NRG1: variants seen among roughly 807,000 people sequenced by gnomAD.
The protein encoded by NRG1 is pro-neuregulin-1, membrane-bound isoform.
NRG1 carries 18 observed loss-of-function variants against 63.8 expected under a neutral mutation model. That is an observed-to-expected ratio of 0.28 (90% CI 0.19 to 0.42). NRG1 has a LOEUF of 0.42. Among genes scored for constraint, NRG1 ranks in the 10% least tolerant of loss-of-function variants. The probability of loss-of-function intolerance (pLI) is 1.00; values close to 1 mark genes in which losing one functional copy is unlikely to be tolerated. For synonymous variants in NRG1, 302 were observed against 301.3 expected (o/e 1.00, Z -0.02); for missense variants, 762 against 814.7 (o/e 0.94, Z 0.79).
At chr8:31,944,428 C>A (rs1372584639) in intron 1 of NRG1, among the ~76,000 whole-genome samples, 2 of 152,204 alleles carry the variant, frequency 1.3e-5, no homozygotes, top group African/African-American at 4.8e-5. Context: ...GGGCACACAG[C>A]TAGTAAGAGA....
intron 5 of NRG1, among the ~76,000 whole-genome samples, chr8:32,654,050 T>C (rs1358868793): frequency 6.6e-6 from 1 of 152,056 alleles, no homozygotes; most frequent in African/African-American, 2.4e-5. Flanking sequence ...ATGCTGAACA[T>C]TTTTAGAGAT....
chr8:31,681,994 C>G (rs918058075), intron 1 of NRG1, among the ~76,000 whole-genome samples: 1 of 152,114 alleles, frequency 6.6e-6, no homozygotes, highest in Non-Finnish European at 1.5e-5. Context: ...AGGGTCTGCT[C>G]TTAGTGCTGT....
chr8:31,665,221 A>C (rs1806405732), intron 1 of NRG1, among the ~76,000 whole-genome samples: 1 of 152,144 alleles, frequency 6.6e-6, no homozygotes, highest in Non-Finnish European at 1.5e-5. Flanking sequence ...AGAAAGTATA[A>C]ATATATGACC....
intron 1 of NRG1, among the ~76,000 whole-genome samples, chr8:32,417,709 G>A (rs529649851): frequency 3.5e-5 from 5 of 141,736 alleles, no homozygotes; most frequent in African/African-American, 1.3e-4. Context: ...CTCAAGATTT[G>A]TTCTAGTCAC....
intron 1 of NRG1, among the ~76,000 whole-genome samples, chr8:31,960,526 T>A: frequency 6.6e-6 from 1 of 152,234 alleles, no homozygotes; most frequent in Non-Finnish European, 1.5e-5. Context: ...CAGGAGATAA[T>A]TTTATTCTGC....
intron 1 of NRG1, among the ~76,000 whole-genome samples, chr8:32,133,457 G>A (rs774262859): frequency 2.0e-5 from 3 of 151,988 alleles, no homozygotes; most frequent in Non-Finnish European, 4.4e-5. Flanking sequence ...AACCCATGTG[G>A]TTCAACTGAT....
chr8:31,953,323 C>T (rs535853274), intron 1 of NRG1, among the ~76,000 whole-genome samples: 4 of 152,196 alleles, frequency 2.6e-5, no homozygotes, highest in Non-Finnish European at 4.4e-5. Flanking sequence ...AAAAATGTTA[C>T]CATCTGAGTA....
intron 1 of NRG1, among the ~76,000 whole-genome samples, chr8:32,375,259 C>G (rs746317054): frequency 6.6e-6 from 1 of 151,924 alleles, no homozygotes; most frequent in African/African-American, 2.4e-5. Flanking sequence ...ATTACAGGTG[C>G]GAGCCACCGT....
chr8:32,726,777 A>G (rs546942203), intron 5 of NRG1, among the ~76,000 whole-genome samples: 1 of 151,366 alleles, frequency 6.6e-6, no homozygotes, highest in South Asian at 2.1e-4. Flanking sequence ...GGTCAAATAA[A>G]AGTAAACAAG....
intron 1 of NRG1, among the ~76,000 whole-genome samples, chr8:32,034,201 A>G (rs1055997252): frequency 6.6e-6 from 1 of 152,116 alleles, no homozygotes; most frequent in African/African-American, 2.4e-5. Flanking sequence ...GCTTCTATTG[A>G]AATAATCATG....
In NRG1 at chr8:32,283,369, A is replaced by C. The variant is rs186271543; in HGVS notation, c.38-312459A>C. Among the ~76,000 whole-genome samples the C allele has an allele frequency of 1.6e-4, 24 of 152,312 alleles. No individual in the cohort carries two copies. In the East Asian group the frequency reaches 3.7e-3, roughly 23 times the overall value. ...ACTTCTAACATATAAGCTAGTTAAC[A>C]TCAAGAGGATTAGTCTATCACACCA... On this transcript the variant is annotated intron_variant, in intron 1 of 10. Coordinates refer to the NRG1 transcript ENST00000519301.
intron 5 of NRG1, among the ~76,000 whole-genome samples, chr8:32,652,576 G>A (rs569531028): frequency 2.6e-5 from 4 of 151,070 alleles, no homozygotes; most frequent in African/African-American, 9.7e-5. Flanking sequence ...GTATTTCATT[G>A]CATCATATCA....
intron 1 of NRG1, among the ~76,000 whole-genome samples, chr8:32,486,626 G>GTTTTTTTTTTTTTT (rs1563531364): frequency 1.4e-5 from 1 of 70,962 alleles, no homozygotes; most frequent in African/African-American, 6.1e-5. Flanking sequence ...AGAATTGCTG[G>GTTTTTTTTTTTTTT]ATTTTTTTTT....
chr8:32,446,926 C>T (rs1403143364), intron 1 of NRG1, among the ~76,000 whole-genome samples: 2 of 152,030 alleles, frequency 1.3e-5, no homozygotes, highest in Non-Finnish European at 2.9e-5. Flanking sequence ...GTAAAATAGC[C>T]ATGGGGAAAA....
chr8:32,693,277 G>A (rs948921399), intron 5 of NRG1, among the ~76,000 whole-genome samples: 96 of 149,998 alleles, frequency 6.4e-4, no homozygotes, highest in Non-Finnish European at 1.1e-3. Context: ...GGAGTGCAGT[G>A]GCACAATCTC....
At position 32,728,727 on chromosome 8, in the gene NRG1, A is replaced by G. The variant is rs541645278; in HGVS notation, c.632+649A>G. 1.4e-3 allele frequency: 1,283 copies of G among 885,806 alleles called. 1 individual carries two copies. Among genetic ancestry groups the G allele is most frequent in the Non-Finnish European group, 1.6e-3 (1,196 of 739,124 alleles). The allele number at this position is 885,806 out of a possible 1,614,324, so 54.9% of individuals were successfully genotyped here. A position where few individuals can be genotyped will look rare whatever the true frequency, so the allele number is the denominator to read the frequency against. On this transcript the variant is annotated intron_variant, in intron 6 of 11. Transcript: ENST00000356819. ...TGTCTATAGATATATCTAGAATAGC[A>G]CTGTCTTTCCAATGACCTGAAGGAG...
At chr8:32,283,295 C>T (rs940465065) in intron 1 of NRG1, among the ~76,000 whole-genome samples, 5 of 152,056 alleles carry the variant, frequency 3.3e-5, no homozygotes, top group African/African-American at 1.2e-4. Context: ...CTTTAGGAGA[C>T]AAGTTTCTCC....
chr8:31,911,133 A>G (rs1227297434), intron 1 of NRG1, among the ~76,000 whole-genome samples: 1 of 150,924 alleles, frequency 6.6e-6, no homozygotes, highest in Non-Finnish European at 1.5e-5. Context: ...TTCCATGAGT[A>G]GTTAAGCTTA....
chr8:31,641,329 TG>T (rs199766628), intron 1 of NRG1, among the ~76,000 whole-genome samples: 4 of 140,156 alleles, frequency 2.9e-5, no homozygotes, highest in East Asian at 2.2e-4. Context: ...TTGTTATTGG[TG>T]GGGGTTTTTT....
Sources: allele counts gnomAD v4.1 joint callset (sites outside exome capture counted in the v4.1 genomes callset), GRCh38; gene constraint gnomAD v4.1.1; transcripts MANE v1.5; gene names NCBI Gene and HGNC (gene_info 2026-07-23, HGNC 2026-07-21).